Variants in MCC observed in about 807,000 individuals in gnomAD.
The protein encoded by MCC is colorectal mutant cancer protein.
MCC carries 90 observed loss-of-function variants against 116.2 expected under a neutral mutation model. That is an observed-to-expected ratio of 0.77 (90% CI 0.65 to 0.92). The LOEUF (loss-of-function observed/expected upper bound fraction) is 0.92, where lower values mean the gene tolerates loss of function less well. Ranked by LOEUF, MCC falls within the 40% of genes least tolerant of loss-of-function variation. The pLI is 0.00. For synonymous variants in MCC, 578 were observed against 510.5 expected (o/e 1.13, Z -1.78); for missense variants, 1,516 against 1,312.2 (o/e 1.16, Z -2.40).
chr5:113,341,241 T>C (rs967337649), intron 2 of MCC, among the ~76,000 whole-genome samples: 1 of 152,138 alleles, frequency 6.6e-6, no homozygotes, highest in African/African-American at 2.4e-5. Flanking sequence ...TCTTTCTTTC[T>C]TTTTTTGAGG....
At chr5:113,197,860 C>G (rs2150317015) in intron 3 of MCC, among the ~76,000 whole-genome samples, 1 of 152,302 alleles carries the variant, frequency 6.6e-6, no homozygotes, top group Admixed American at 6.5e-5. Context: ...GCTCTGTGCA[C>G]CAGGCTATGC....
intron 3 of MCC, among the ~76,000 whole-genome samples, chr5:113,192,933 T>C (rs930643132): frequency 1.3e-5 from 2 of 152,242 alleles, no homozygotes; most frequent in Admixed American, 1.3e-4. Context: ...CACATGTTTA[T>C]TGTCTACAGC....
intron 1 of MCC, among the ~76,000 whole-genome samples, chr5:113,443,834 C>T (rs890685264): frequency 6.6e-6 from 1 of 152,048 alleles, no homozygotes; most frequent in African/African-American, 2.4e-5. Context: ...CCTTGCATCC[C>T]AGGTATTGAG....
chr5:113,237,420 C>T (rs895875704), intron 3 of MCC, among the ~76,000 whole-genome samples: 25 of 152,216 alleles, frequency 1.6e-4, no homozygotes, highest in African/African-American at 5.5e-4. Context: ...AAAGCAAATA[C>T]CAACTGCTTC....
At chr5:113,300,774 C>T (rs2150364645) in intron 3 of MCC, among the ~76,000 whole-genome samples, 1 of 152,280 alleles carries the variant, frequency 6.6e-6, no homozygotes, top group African/African-American at 2.4e-5. Flanking sequence ...ATTACCGGAC[C>T]AGCTCCTCTC....
At position 113,319,573 on chromosome 5, in the gene MCC, A is replaced by G. The variant is rs138251451; in HGVS notation, c.627+20946T>C. On this transcript the variant is annotated intron_variant, in intron 3 of 18. Transcript: ENST00000408903. ...GACCAAGAGAAGATGGAAGGGAGTGATTGGATCTAATCATTTTTTTCAAAC... is the reference window on the plus strand; with the variant it reads ...GACCAAGAGAAGATGGAAGGGAGTGGTTGGATCTAATCATTTTTTTCAAAC... 1.8e-3 allele frequency among the ~76,000 whole-genome samples: 270 copies of G among 152,312 alleles called. 1 individual carries two copies. Among genetic ancestry groups the G allele is most frequent in the African/African-American group, 6.2e-3 (259 of 41,564 alleles).
intron 3 of MCC, among the ~76,000 whole-genome samples, chr5:113,277,862 C>T (rs1054524744): frequency 2.0e-5 from 3 of 152,168 alleles, no homozygotes; most frequent in African/African-American, 7.2e-5. Context: ...ACCAAAGATG[C>T]CCAAATCCTG....
intron 3 of MCC, among the ~76,000 whole-genome samples, chr5:113,192,452 T>C (rs1474955369): frequency 2.6e-5 from 4 of 152,214 alleles, no homozygotes; most frequent in Admixed American, 6.5e-5. Context: ...AAAAAGCATA[T>C]GCAGAAAATA....
At chr5:113,178,010 C>T (rs1761424585) in intron 3 of MCC, among the ~76,000 whole-genome samples, 1 of 152,200 alleles carries the variant, frequency 6.6e-6, no homozygotes, top group Non-Finnish European at 1.5e-5. Context: ...AGAACACATA[C>T]TTGGAACACC....
intron 1 of MCC, among the ~76,000 whole-genome samples, chr5:113,483,902 A>G (rs184108595): frequency 6.6e-6 from 1 of 152,290 alleles, no homozygotes; most frequent in Admixed American, 6.5e-5. Context: ...AAGGACATGG[A>G]TGGGACTGGA....
At chr5:113,107,333 TCAG>T (rs1756805854) in intron 6 of MCC, among the ~76,000 whole-genome samples, 1 of 151,570 alleles carries the variant, frequency 6.6e-6, no homozygotes, top group South Asian at 2.1e-4. Flanking sequence ...TTCTCCTATC[TCAG>T]CCTCCCGAGT....
intron 18 of MCC, among the ~76,000 whole-genome samples, chr5:113,028,052 G>A (rs1249474826): frequency 6.6e-6 from 1 of 152,166 alleles, no homozygotes; most frequent in Non-Finnish European, 1.5e-5. Flanking sequence ...AGAGCCTGGT[G>A]GTAGGGTATA....
intron 5 of MCC, among the ~76,000 whole-genome samples, chr5:113,123,830 AGGTT>A (rs1757872792): frequency 6.6e-6 from 1 of 152,212 alleles, no homozygotes; most frequent in Non-Finnish European, 1.5e-5. Context: ...CTTCAAGGGC[AGGTT>A]GTCTGTGAAG....
rs560419540 is a variant in MCC, at chr5:113,174,151, A to AG, written c.628-22730dup. ...TTAAAAAGTCCTAGACCCAATGCTA[A>AG]GAGAGATTTAGGACATTGAGATAGC... On this transcript the variant is annotated intron_variant, in intron 3 of 18. Coordinates refer to ENST00000408903, the MANE Select transcript of MCC (RefSeq NM_001085377.2). Among the ~76,000 whole-genome samples the AG allele has an allele frequency of 7.2e-5, 11 of 152,326 alleles. No individual in the cohort carries two copies. The East Asian group carries it at 2.1e-3, about 29-fold the overall frequency.
At chr5:113,401,313 C>T (rs26962) in intron 1 of MCC, among the ~76,000 whole-genome samples, 1 of 151,968 alleles carries the variant, frequency 6.6e-6, no homozygotes, top group African/African-American at 2.4e-5. Flanking sequence ...GATAAACTTA[C>T]AATTATGTTT....
intron 3 of MCC, among the ~76,000 whole-genome samples, chr5:113,159,346 T>C (rs999975937): frequency 6.6e-6 from 1 of 152,204 alleles, no homozygotes; most frequent in Non-Finnish European, 1.5e-5. Flanking sequence ...CTTCACTCTA[T>C]ACAGAACTGT....
chr5:113,054,171 C>T (rs73778903), intron 14 of MCC, among the ~76,000 whole-genome samples: 1,666 of 152,282 alleles, frequency 0.011, 36 homozygotes, highest in African/African-American at 0.037. Flanking sequence ...CACTCCTTGA[C>T]GCAACACTGT....
intron 3 of MCC, chr5:113,294,417 C>T (rs747126707): frequency 4.3e-6 from 7 of 1,613,498 alleles, no homozygotes; most frequent in African/African-American, 1.3e-5. Context: ...CTCTCAGTCC[C>T]CCAGGTCTCG....
At chr5:113,331,915 G>A (rs1252244852) in intron 3 of MCC, among the ~76,000 whole-genome samples, 1 of 151,592 alleles carries the variant, frequency 6.6e-6, no homozygotes. Context: ...GGGATTACAG[G>A]TGTGAGCCAC....
Sources: allele counts gnomAD v4.1 joint callset (sites outside exome capture counted in the v4.1 genomes callset), GRCh38; gene constraint gnomAD v4.1.1; transcripts MANE v1.5; gene names NCBI Gene and HGNC (gene_info 2026-07-23, HGNC 2026-07-21).